The following RETREG1 variants were observed in gnomAD, a reference collection of about 807,000 sequenced individuals.
RETREG1 encodes the protein family with sequence similarity 134 member B.
RETREG1 carries 44 observed loss-of-function variants against 54.8 expected under a neutral mutation model. That is an observed-to-expected ratio of 0.80 (90% CI 0.63 to 1.03). RETREG1 has a LOEUF of 1.03. RETREG1 is among the 50% of genes least tolerant of loss of function. RETREG1 has a pLI of 0.00. For synonymous variants in RETREG1, 217 were observed against 238.5 expected, an observed-to-expected ratio of 0.91 and a Z score of 0.83; for missense variants, 554 against 605.1, an observed-to-expected ratio of 0.92 and a Z score of 0.89.
intron 1 of RETREG1, among the ~76,000 whole-genome samples, chr5:16,581,526 A>AAC (rs3993834): frequency 0.011 from 1,563 of 143,696 alleles, 7 homozygotes; most frequent in Middle Eastern, 0.021. Context: ...TCAGAAACAC[A>AAC]ACACACACAC....
Position 16,506,339 on chromosome 5 carries a change from G to A in RETREG1, c.459-22867C>T, listed in dbSNP as rs564508080. ...CCTGCTGCAATCAAGCTCTAAGAAT[G>A]TACTTTGTAAGTAGATAAACAACTT... On this transcript the variant is annotated intron_variant, in intron 3 of 8. Transcript: ENST00000306320. Among the ~76,000 whole-genome samples, 12 of 152,296 alleles carry A rather than the reference G, an allele frequency of 7.9e-5. 1 individual carries two copies. In the South Asian group the frequency reaches 2.3e-3, roughly 29 times the overall value.
chr5:16,577,816 G>A (rs1273216745), intron 1 of RETREG1, among the ~76,000 whole-genome samples: 1 of 152,060 alleles, frequency 6.6e-6, no homozygotes, highest in East Asian at 1.9e-4. Flanking sequence ...TTTTGTCAGG[G>A]GAAACCCCTT....
At chr5:16,615,178 AC>A (rs1743460880) in intron 1 of RETREG1, among the ~76,000 whole-genome samples, 2 of 152,150 alleles carry the variant, frequency 1.3e-5, no homozygotes, top group Admixed American at 1.3e-4. Flanking sequence ...CGGACGGATC[AC>A]GAGGTCAGGA....
intron 3 of RETREG1, among the ~76,000 whole-genome samples, chr5:16,485,340 G>A (rs1284017705): frequency 1.3e-5 from 2 of 152,066 alleles, no homozygotes; most frequent in Non-Finnish European, 2.9e-5. Context: ...ATAATGGAAG[G>A]ATTTGTTATT....
At chr5:16,580,196 T>C (rs1440130773) in intron 1 of RETREG1, among the ~76,000 whole-genome samples, 1 of 152,222 alleles carries the variant, frequency 6.6e-6, no homozygotes, top group Admixed American at 6.5e-5. Flanking sequence ...ATGTTCTATC[T>C]GGACGTCATC....
intron 1 of RETREG1, chr5:16,615,963 C>T (rs994522582): frequency 6.6e-6 from 1 of 152,212 alleles, no homozygotes; most frequent in Non-Finnish European, 1.5e-5. Flanking sequence ...CCTGGCCTTT[C>T]TGAAGAGCGC....
At chr5:16,558,605 C>T (rs1339657297) in intron 3 of RETREG1, among the ~76,000 whole-genome samples, 1 of 152,142 alleles carries the variant, frequency 6.6e-6, no homozygotes, top group Non-Finnish European at 1.5e-5. Flanking sequence ...AATATGATGC[C>T]TTATTAACAA....
intron 3 of RETREG1, among the ~76,000 whole-genome samples, chr5:16,491,817 G>A (rs1218811354): frequency 6.6e-6 from 1 of 152,090 alleles, no homozygotes; most frequent in Admixed American, 6.5e-5. Flanking sequence ...GATCCCCAGA[G>A]TTCATGACCA....
intron 3 of RETREG1, among the ~76,000 whole-genome samples, chr5:16,563,594 C>G (rs925189789): frequency 2.6e-5 from 4 of 152,098 alleles, no homozygotes; most frequent in Non-Finnish European, 4.4e-5. Context: ...AGCTGGCAAA[C>G]AAAAATGAGA....
chr5:16,611,595 C>G (rs2126377403), intron 1 of RETREG1, among the ~76,000 whole-genome samples: 1 of 152,312 alleles, frequency 6.6e-6, no homozygotes. Context: ...ACACTTCACA[C>G]AAAGATTTCT....
Position 16,616,756 on chromosome 5 carries a change from G to C in RETREG1, c.216C>G (p.Leu72=), listed in dbSNP as rs776509065. 2 of 1,564,610 alleles carry C rather than the reference G, an allele frequency of 1.3e-6. No homozygotes were observed. Among genetic ancestry groups the C allele is most frequent in the East Asian group, 2.4e-5 (1 of 42,442 alleles). The change falls in exon 1 of 9, where the codon CTC becomes CTG. Residue 72 remains leucine (L), a synonymous_variant. Transcript: ENST00000306320. ...GRAAAAVTWL[L]GEPVLWLGCR... is the part of the protein sequence containing the mutation. ...AGCCCAGCCACAGCACCGGCTCCCC[G>C]AGCAGCCAGGTTACCGCGGCCGCCG... is the stretch of plus-strand genomic sequence containing the variant.
chr5:16,500,906 C>T (rs112760901), intron 3 of RETREG1, among the ~76,000 whole-genome samples: 8 of 151,384 alleles, frequency 5.3e-5, no homozygotes, highest in African/African-American at 1.5e-4. Flanking sequence ...TGAAAAGGGG[C>T]CCCAGGTAAC....
intron 3 of RETREG1, among the ~76,000 whole-genome samples, chr5:16,560,404 T>A (rs893057354): frequency 1.2e-4 from 19 of 152,086 alleles, no homozygotes; most frequent in Non-Finnish European, 1.0e-4. Context: ...GCACTGTGAG[T>A]GGTGAATGGC....
At chr5:16,529,481 G>A (rs1462695453) in intron 3 of RETREG1, among the ~76,000 whole-genome samples, 7 of 152,134 alleles carry the variant, frequency 4.6e-5, no homozygotes, top group Non-Finnish European at 7.4e-5. Flanking sequence ...AAATTGCCCT[G>A]CCACATGGGT....
intron 1 of RETREG1, among the ~76,000 whole-genome samples, chr5:16,572,907 G>A (rs529477015): frequency 3.3e-5 from 5 of 152,066 alleles, no homozygotes; most frequent in Admixed American, 1.3e-4. Context: ...GTTATTGGCC[G>A]GGCGTGGTGG....
chr5:16,496,410 C>T (rs1739460808), intron 3 of RETREG1, among the ~76,000 whole-genome samples: 1 of 152,184 alleles, frequency 6.6e-6, no homozygotes, highest in Non-Finnish European at 1.5e-5. Context: ...TTGCCCCATC[C>T]ACATTGCCAC....
chr5:16,555,994 C>T (rs1014231427), intron 3 of RETREG1, among the ~76,000 whole-genome samples: 3 of 152,014 alleles, frequency 2.0e-5, no homozygotes, highest in Non-Finnish European at 2.9e-5. Flanking sequence ...ATGAACTTCA[C>T]GCATTTCAAA....
chr5:16,589,502 G>A (rs1016215534), intron 1 of RETREG1, among the ~76,000 whole-genome samples: 4 of 152,150 alleles, frequency 2.6e-5, no homozygotes, highest in African/African-American at 4.8e-5. Context: ...AGCCTCCTGA[G>A]TAGGTGGCAT....
intron 3 of RETREG1, among the ~76,000 whole-genome samples, chr5:16,505,140 G>A (rs1739897922): frequency 1.3e-5 from 2 of 152,074 alleles, no homozygotes; most frequent in South Asian, 2.1e-4. Flanking sequence ...CTACCGCTCC[G>A]GAGTCCAGCG....
Sources: allele counts gnomAD v4.1 joint callset (sites outside exome capture counted in the v4.1 genomes callset), GRCh38; gene constraint gnomAD v4.1.1; transcripts MANE v1.5; gene names NCBI Gene and HGNC (gene_info 2026-07-23, HGNC 2026-07-21).